Variants in TOM1 observed in about 807,000 individuals in gnomAD.
TOM1 encodes the protein target of Myb protein 1.
In TOM1, 38 loss-of-function variants were observed where a neutral mutation model predicts 61.3. The ratio of observed to expected loss-of-function variants is 0.62; its 90% CI spans 0.48 to 0.81. The LOEUF (loss-of-function observed/expected upper bound fraction) is 0.81, where lower values mean the gene tolerates loss of function less well. Ranked by LOEUF, TOM1 falls within the 40% of genes least tolerant of loss-of-function variation. The pLI is 0.00. For synonymous variants in TOM1, 270 were observed against 268.8 expected (o/e 1.00, Z -0.04); for missense variants, 591 against 659.6 (o/e 0.90, Z 1.14).
At chr22:35,326,755 G>A (rs550608036) in intron 6 of TOM1, among the ~76,000 whole-genome samples, 11 of 150,522 alleles carry the variant, frequency 7.3e-5, no homozygotes, top group East Asian at 1.9e-4. Context: ...GGAGAGAGAC[G>A]GCGGGATCCC....
rs941585355 is a variant in TOM1, at chr22:35,323,184, G to A, written c.366+7G>A. On this transcript the variant is annotated splice_region_variant and intron_variant, in intron 4 of 14. Coordinates refer to ENST00000449058, the MANE Select transcript of TOM1 (RefSeq NM_005488.3). This position sits in a 1 kb window ranked among gnomAD's most constrained non-coding sequence, Gnocchi z 4.2. ...AGTGCTCAACCTCATCCAGGTGAGT[G>A]CCAGGACAGGGCAGGGCACGGCCAG... 6.2e-7 allele frequency: 1 copy of A among 1,613,248 alleles called. No homozygotes were observed. Among genetic ancestry groups the A allele is most frequent in the Non-Finnish European group, 8.5e-7 (1 of 1,179,996 alleles).
intron 12 of TOM1, among the ~76,000 whole-genome samples, chr22:35,342,947 A>C (rs1408091276): frequency 7.2e-4 from 70 of 97,834 alleles, no homozygotes; most frequent in African/African-American, 4.8e-5. Flanking sequence ...TCATACACCT[A>C]CACACACCCC....
chr22:35,317,477 C>G (rs140072090), intron 1 of TOM1, among the ~76,000 whole-genome samples: 1 of 152,140 alleles, frequency 6.6e-6, no homozygotes, highest in African/African-American at 2.4e-5. Context: ...CGTGAGCCAC[C>G]GCGCCCAGCT....
intron 11 of TOM1, among the ~76,000 whole-genome samples, chr22:35,334,756 G>A (rs1408966820): frequency 1.3e-5 from 2 of 152,168 alleles, no homozygotes; most frequent in African/African-American, 4.8e-5. Flanking sequence ...ATTTGCCCCA[G>A]GTCAAGGAGC....
At position 35,347,359 on chromosome 22, in the gene TOM1, T is replaced by G; in HGVS notation, c.*150T>G. On this transcript the variant is annotated 3_prime_UTR_variant, in exon 15 of 15. Transcript: ENST00000449058. ...TTTGAAGACGGAGCTGCCCCAGCTG[T>G]GGCTGGGGGTGTGGAGGCAGTGGGA... 9.0e-6 allele frequency: 7 copies of G among 780,616 alleles called. No homozygotes were observed. Among genetic ancestry groups the G allele is most frequent in the Non-Finnish European group, 1.2e-5 (6 of 516,020 alleles). 48.4% of individuals were successfully genotyped at this position (780,616 alleles called of 1,614,324 possible). A position where few individuals can be genotyped will look rare whatever the true frequency, so the allele number is the denominator to read the frequency against.
At chr22:35,327,460 C>T in intron 7 of TOM1, 73 bp downstream of exon 7, 2 of 1,058,712 alleles carry the variant, frequency 1.9e-6, no homozygotes, top group Non-Finnish European at 2.9e-6. Context: ...CTTTCCCAAT[C>T]CTCATGACAG....
intron 2 of TOM1, among the ~76,000 whole-genome samples, chr22:35,320,010 G>A (rs1227436693): frequency 1.3e-5 from 2 of 152,352 alleles, no homozygotes; most frequent in African/African-American, 4.8e-5. Flanking sequence ...GGTCAGCACT[G>A]ACAGCCAGGC....
At chr22:35,344,873 G>A (rs762967) in intron 12 of TOM1, 7,741 of 152,346 alleles carry the variant, frequency 0.051, 238 homozygotes, top group Non-Finnish European at 0.054. Context: ...CCACCTGGAC[G>A]GTAAGTACTG....
intron 3 of TOM1, 70 bp from the exon 4 acceptor site, chr22:35,322,958 C>T (rs771218612): frequency 2.4e-5 from 38 of 1,572,456 alleles, no homozygotes; most frequent in Middle Eastern, 1.7e-4. Context: ...GGAGGAGCCA[C>T]GAGGGTGGGG....
intron 12 of TOM1, 86 bp from the exon 13 acceptor site, chr22:35,345,639 G>A: frequency 7.0e-7 from 1 of 1,421,586 alleles, no homozygotes; most frequent in Non-Finnish European, 9.9e-7. Context: ...AGGCTGCCCA[G>A]GGCCACCCAG....
Position 35,332,924 on chromosome 22 carries a change from G to A in TOM1, c.900-57G>A, listed in dbSNP as rs542134476. The stretch of plus-strand genomic sequence containing the variant: ...ACAGTTTGAAAAGCTCTGCCTGGCC[G>A]TGTGTGGGGGCCTGTCTCAGTCTGT... On this transcript the variant is annotated intron_variant, in intron 8 of 14. Transcript: ENST00000449058. The A allele has an allele frequency of 7.7e-5, 121 of 1,574,524 alleles. 1 individual carries two copies. The Middle Eastern group carries it at 1.0e-3, about 13-fold the overall frequency.
intron 10 of TOM1, 119 bp from the exon 11 acceptor site, chr22:35,334,209 C>T: frequency 1.4e-6 from 2 of 1,402,638 alleles, no homozygotes; most frequent in Non-Finnish European, 1.9e-6. Context: ...CGCGCATTCC[C>T]CCACCCACAC....
intron 11 of TOM1, among the ~76,000 whole-genome samples, chr22:35,337,517 ACACT>A (rs1266291804): frequency 6.6e-6 from 1 of 152,240 alleles, no homozygotes; most frequent in Non-Finnish European, 1.5e-5. Flanking sequence ...GCTAGTGGTC[ACACT>A]CCACCAGCAA....
At chr22:35,314,656 G>A (rs1927127401) in intron 1 of TOM1, among the ~76,000 whole-genome samples, 1 of 152,146 alleles carries the variant, frequency 6.6e-6, no homozygotes, top group Admixed American at 6.5e-5. Flanking sequence ...AGGATCTGAT[G>A]GTGGGGACCA....
chr22:35,317,668 C>T (rs573899751), intron 1 of TOM1, among the ~76,000 whole-genome samples: 4 of 152,144 alleles, frequency 2.6e-5, no homozygotes, highest in South Asian at 4.2e-4. Flanking sequence ...AGAGGTACTC[C>T]GGCCTCAGTG....
At chr22:35,328,542 G>A (rs1305249408) in intron 7 of TOM1, among the ~76,000 whole-genome samples, 1 of 152,212 alleles carries the variant, frequency 6.6e-6, no homozygotes, top group Non-Finnish European at 1.5e-5. Context: ...TGAACCCGGG[G>A]GCCTGGCTCC....
intron 1 of TOM1, among the ~76,000 whole-genome samples, chr22:35,306,518 A>T (rs538233298): frequency 6.6e-6 from 1 of 152,192 alleles, no homozygotes; most frequent in African/African-American, 2.4e-5. Flanking sequence ...GGTGAGCTTG[A>T]GTCAGACTGA....
At chr22:35,303,442 G>C (rs888667140) in intron 1 of TOM1, among the ~76,000 whole-genome samples, 2 of 151,830 alleles carry the variant, frequency 1.3e-5, no homozygotes, top group African/African-American at 4.8e-5. Flanking sequence ...GTCTCGCACA[G>C]TGTGAGTGTA....
intron 11 of TOM1, among the ~76,000 whole-genome samples, chr22:35,336,535 G>T (rs1297944608): frequency 5.9e-5 from 9 of 152,256 alleles, no homozygotes; most frequent in African/African-American, 1.9e-4. Flanking sequence ...ATGCCAAGGA[G>T]TAGCAGGGCT....
Sources: gnomAD v4.1 joint callset for allele counts (sites outside exome capture counted in the v4.1 genomes callset) on GRCh38, gnomAD v4.1.1 for gene constraint, Gnocchi (gnomAD v3.1) non-coding constraint, MANE v1.5 for transcripts, NCBI Gene and HGNC (gene_info 2026-07-23, HGNC 2026-07-21) for gene names.